Variants in AKAP19 observed in about 807,000 individuals in gnomAD.
AKAP19 encodes small A-kinase anchoring protein.
the AKAP19 span, among the ~76,000 whole-genome samples, chr2:190,073,184 T>G: frequency 6.6e-6 from 1 of 152,274 alleles, no homozygotes; most frequent in Admixed American, 6.5e-5. Context: ...AAAAGTATTA[T>G]GGAAATAAAT....
At chr2:190,106,512 ATTG>A in the AKAP19 span, among the ~76,000 whole-genome samples, 5 of 152,108 alleles carry the variant, frequency 3.3e-5, no homozygotes, top group East Asian at 5.8e-4. Flanking sequence ...CCTGTTCTTA[ATTG>A]TTTTCAAGCA....
the AKAP19 span, among the ~76,000 whole-genome samples, chr2:190,115,183 CAG>C: frequency 1.7e-4 from 18 of 108,596 alleles, no homozygotes; most frequent in South Asian, 1.7e-3. Context: ...GGGAGAGAGA[CAG>C]AGAGAGAGAG....
the AKAP19 span, among the ~76,000 whole-genome samples, chr2:189,939,643 T>A: frequency 1.6e-3 from 245 of 152,228 alleles, no homozygotes; most frequent in African/African-American, 5.5e-3. Flanking sequence ...AATACAGTTT[T>A]AAAAAAACTC....
chr2:190,004,495 C>G, the AKAP19 span, among the ~76,000 whole-genome samples: 1 of 152,126 alleles, frequency 6.6e-6, no homozygotes, highest in East Asian at 1.9e-4. Context: ...TATTCTCCAG[C>G]AGATGTCTTT....
At chr2:189,901,636 C>T in the AKAP19 span, among the ~76,000 whole-genome samples, 29 of 152,158 alleles carry the variant, frequency 1.9e-4, no homozygotes, top group Admixed American at 1.9e-3. Flanking sequence ...CCATGCCCGG[C>T]TGCATTTTGA....
chr2:190,166,929 A>G, the AKAP19 span, among the ~76,000 whole-genome samples: 1 of 152,160 alleles, frequency 6.6e-6, no homozygotes, highest in Non-Finnish European at 1.5e-5. Flanking sequence ...GAATGACATG[A>G]GGACTAGAAA....
the AKAP19 span, among the ~76,000 whole-genome samples, chr2:190,185,330 T>A: frequency 6.6e-6 from 1 of 152,196 alleles, no homozygotes. Context: ...AGTAATGGCA[T>A]AAATAGAACA....
chr2:189,985,688 C>T, the AKAP19 span, among the ~76,000 whole-genome samples: 1 of 152,182 alleles, frequency 6.6e-6, no homozygotes, highest in Non-Finnish European at 1.5e-5. Context: ...CTGATAAGAA[C>T]TCAGTCCAGC....
chr2:190,173,122 A>AAAAAG, the AKAP19 span, among the ~76,000 whole-genome samples: 1 of 151,342 alleles, frequency 6.6e-6, no homozygotes, highest in Admixed American at 6.6e-5. Flanking sequence ...CTCAAAAAAA[A>AAAAAG]TAAAATAAAA....
At chr2:190,179,763 T>G in the AKAP19 span, among the ~76,000 whole-genome samples, 1 of 152,260 alleles carries the variant, frequency 6.6e-6, no homozygotes, top group Middle Eastern at 3.2e-3. The surrounding 1 kb of genome is among the most constrained non-coding windows in gnomAD (Gnocchi z 6.0). Flanking sequence ...TTCGTTGTAC[T>G]GCTGAACTCT....
At chr2:190,046,495 A>G in the AKAP19 span, among the ~76,000 whole-genome samples, 1 of 152,130 alleles carries the variant, frequency 6.6e-6, no homozygotes, top group Non-Finnish European at 1.5e-5. Context: ...CATTTATACT[A>G]GTATATAGAA....
the AKAP19 span, chr2:190,079,588 A>G: frequency 6.6e-6 from 1 of 152,276 alleles, no homozygotes. Flanking sequence ...AGGTGGGCGG[A>G]TCACCTGAAG....
At chr2:190,002,666 A>T in the AKAP19 span, among the ~76,000 whole-genome samples, 8 of 152,318 alleles carry the variant, frequency 5.3e-5, no homozygotes, top group East Asian at 1.5e-3. Context: ...GGGATTGAAC[A>T]TCTGCTTTTC....
the AKAP19 span, among the ~76,000 whole-genome samples, chr2:189,980,463 T>C: frequency 6.6e-6 from 1 of 152,062 alleles, no homozygotes; most frequent in African/African-American, 2.4e-5. Context: ...GCCTTCCGAG[T>C]AGCTGGGACT....
chr2:190,124,394 T>A, the AKAP19 span, among the ~76,000 whole-genome samples: 1 of 152,242 alleles, frequency 6.6e-6, no homozygotes, highest in Non-Finnish European at 1.5e-5. Context: ...TACAGCATGT[T>A]ACTGTACTGA....
the AKAP19 span, among the ~76,000 whole-genome samples, chr2:189,962,114 A>T: frequency 3.9e-5 from 6 of 152,206 alleles, no homozygotes; most frequent in Non-Finnish European, 8.8e-5. Context: ...TATATAATAG[A>T]GGTTCCATAA....
chr2:190,100,251 A>T, the AKAP19 span, among the ~76,000 whole-genome samples: 4 of 140,192 alleles, frequency 2.9e-5, no homozygotes, highest in South Asian at 2.1e-4. Context: ...TGCAAGAAAT[A>T]AAAAAAAACC....
At chr2:190,089,536 C>T in the AKAP19 span, 1 of 152,094 alleles carries the variant, frequency 6.6e-6, no homozygotes, top group Non-Finnish European at 1.5e-5. Context: ...CTTCTAATGG[C>T]TTCTACTCCT....
chr2:189,938,116 G>A, the AKAP19 span, among the ~76,000 whole-genome samples: 1 of 152,028 alleles, frequency 6.6e-6, no homozygotes, highest in Non-Finnish European at 1.5e-5. Context: ...CGTGTGGATT[G>A]CCTGAGCTAA....
Sources: allele counts gnomAD v4.1 joint callset (sites outside exome capture counted in the v4.1 genomes callset), GRCh38; gene constraint gnomAD v4.1.1; non-coding constraint Gnocchi (gnomAD v3.1); transcripts MANE v1.5; gene names NCBI Gene and HGNC (gene_info 2026-07-23, HGNC 2026-07-21).